KATNAL2: variants seen among roughly 807,000 people sequenced by gnomAD.
KATNAL2 encodes the protein katanin p60 ATPase-containing subunit A-like 2.
A neutral mutation model predicts 76.3 loss-of-function variants in KATNAL2; 52 were observed. The ratio of observed to expected loss-of-function variants is 0.68; its 90% confidence interval spans 0.55 to 0.86. The LOEUF is 0.86. KATNAL2 is among the 40% of genes least tolerant of loss of function. The pLI is 0.00. For missense variants in KATNAL2, 660 were observed against 668.9 expected (o/e 0.99, Z 0.15); for synonymous variants, 243 against 244.2 (o/e 1.00, Z 0.05).
chr18:47,071,953 CTTTTTTTTTT>C (rs574265545), intron 13 of KATNAL2, among the ~76,000 whole-genome samples: 1,220 of 43,476 alleles, frequency 0.028, 1 homozygote, highest in African/African-American at 0.047. Flanking sequence ...CCAATTTCTT[CTTTTTTTTTT>C]TTTTTTTTTT....
intron 3 of KATNAL2, among the ~76,000 whole-genome samples, chr18:46,956,026 A>G (rs1326944638): frequency 6.6e-6 from 1 of 152,224 alleles, no homozygotes; most frequent in Non-Finnish European, 1.5e-5. Context: ...TGAATATTTA[A>G]AAAATTGACT....
chr18:47,032,244 TAAGA>T (rs2060501163), intron 3 of KATNAL2, among the ~76,000 whole-genome samples: 1 of 152,388 alleles, frequency 6.6e-6, no homozygotes, highest in East Asian at 1.9e-4. Flanking sequence ...TCCTTTTTTC[TAAGA>T]AATAGCAGTT....
chr18:46,937,641 C>A (rs1009021054), intron 1 of KATNAL2, among the ~76,000 whole-genome samples: 1 of 152,076 alleles, frequency 6.6e-6, no homozygotes, highest in African/African-American at 2.4e-5. Context: ...GTTCTATGAC[C>A]TGAAAAAGTT....
At chr18:47,079,555 C>T (rs752022479) in intron 15 of KATNAL2, among the ~76,000 whole-genome samples, 3 of 151,974 alleles carry the variant, frequency 2.0e-5, no homozygotes, top group Non-Finnish European at 1.5e-5. Flanking sequence ...CCACCACGCC[C>T]GGCTAATTTT....
At chr18:47,070,469 A>G in intron 13 of KATNAL2, among the ~76,000 whole-genome samples, 1 of 152,130 alleles carries the variant, frequency 6.6e-6, no homozygotes. Flanking sequence ...ATTTTATATT[A>G]TAAAATGGTA....
chr18:47,035,584 C>T lies in KATNAL2; in HGVS notation c.52-10873C>T, dbSNP rs545163285. On this transcript the variant is annotated intron_variant, in intron 3 of 17. Transcript: ENST00000683218. Reference sequence around the variant, plus strand: ...CAGAGCTGGGCCTTATGTAGCCCATCCCAGGCTGACACTCACGGCTCTAGC... The same window carrying T: ...CAGAGCTGGGCCTTATGTAGCCCATTCCAGGCTGACACTCACGGCTCTAGC... The T allele has an allele frequency of 7.3e-6, 4 of 551,122 alleles. No individual in the cohort carries two copies. In the South Asian group the frequency reaches 8.4e-5, roughly 12 times the overall value. The allele number at this position is 551,122 out of a possible 1,614,324, so 34.1% of individuals were successfully genotyped here. A position where few individuals can be genotyped will look rare whatever the true frequency, so the allele number is the denominator to read the frequency against.
intron 15 of KATNAL2, among the ~76,000 whole-genome samples, chr18:47,086,723 T>C (rs571125331): frequency 6.6e-6 from 1 of 152,368 alleles, no homozygotes; most frequent in South Asian, 2.1e-4. Context: ...ATCAAGCCCA[T>C]GATCTTCCAT....
chr18:47,044,932 G>T (rs1393246152), intron 3 of KATNAL2, among the ~76,000 whole-genome samples: 1 of 151,892 alleles, frequency 6.6e-6, no homozygotes, highest in African/African-American at 2.4e-5. Flanking sequence ...AAAAAATATA[G>T]AAATCAGCCA....
In KATNAL2 at chr18:47,047,812, G is replaced by C. The variant is rs146891991; in HGVS notation, c.122+1285G>C. On this transcript the variant is annotated intron_variant, in intron 4 of 17. Transcript: ENST00000683218. ...CAACCTCTAACTCCTGGGCTCAAGG[G>C]ATCCTCTCACCTCAGCCTCCTGAGT... Among the ~76,000 whole-genome samples the C allele has an allele frequency of 2.3e-3, 357 of 152,148 alleles. 5 individuals are homozygous for C. Among genetic ancestry groups the C allele is most frequent in the Admixed American group, 0.02 (299 of 15,288 alleles).
intron 13 of KATNAL2, among the ~76,000 whole-genome samples, chr18:47,073,236 A>C (rs1490493231): frequency 6.6e-6 from 1 of 152,234 alleles, no homozygotes; most frequent in African/African-American, 2.4e-5. Flanking sequence ...TCAGTGATTA[A>C]ACATGCATTT....
chr18:47,084,980 T>C (rs1044867318), intron 15 of KATNAL2, among the ~76,000 whole-genome samples: 6 of 151,326 alleles, frequency 4.0e-5, no homozygotes, highest in Non-Finnish European at 8.8e-5. Flanking sequence ...TGCAGGGCTC[T>C]GTAGGTCACC....
intron 8 of KATNAL2, among the ~76,000 whole-genome samples, chr18:47,061,373 G>A (rs1005694658): frequency 1.3e-5 from 2 of 152,092 alleles, no homozygotes; most frequent in Admixed American, 1.3e-4. Flanking sequence ...AAGAAGGGAG[G>A]GAGATGACCT....
intron 13 of KATNAL2, among the ~76,000 whole-genome samples, chr18:47,073,392 A>G (rs1182698107): frequency 6.6e-6 from 1 of 152,196 alleles, no homozygotes; most frequent in Non-Finnish European, 1.5e-5. Flanking sequence ...GAAACAGATA[A>G]CCTCTGCTAA....
chr18:47,075,688 G>A (rs771574874), intron 14 of KATNAL2, among the ~76,000 whole-genome samples: 14 of 152,302 alleles, frequency 9.2e-5, no homozygotes, highest in South Asian at 2.1e-4. Context: ...GAAAATAGCC[G>A]CTGTGATGGC....
chr18:47,067,636 T>G (rs1438356415), intron 11 of KATNAL2, among the ~76,000 whole-genome samples: 1 of 152,212 alleles, frequency 6.6e-6, no homozygotes, highest in Non-Finnish European at 1.5e-5. Flanking sequence ...CAAATCTCTG[T>G]GCAGTTTACA....
intron 14 of KATNAL2, 81 bp from the exon 15 acceptor site, chr18:47,077,270 G>T: frequency 9.6e-7 from 1 of 1,043,648 alleles, no homozygotes. Flanking sequence ...TACAGTCACA[G>T]GGACATTGCT....
intron 15 of KATNAL2, among the ~76,000 whole-genome samples, chr18:47,084,787 T>G (rs12964465): frequency 0.45 from 64,645 of 145,058 alleles, 14,281 homozygotes; most frequent in Middle Eastern, 0.56. Flanking sequence ...AGGTGGAGGT[T>G]GCAGTGAGTT....
intron 15 of KATNAL2, 74 bp downstream of exon 15, chr18:47,077,535 C>A: frequency 1.0e-6 from 1 of 993,830 alleles, no homozygotes; most frequent in Non-Finnish European, 1.6e-6. Context: ...TTTATATTGA[C>A]CACTTCAGGC....
rs1156704410 is a variant in KATNAL2, at chr18:47,067,099, G to A, written c.805G>A (p.Ala269Thr). The change falls in exon 11 of 18, where the codon GCT (alanine) becomes ACT (threonine). Residue 269 changes from alanine (A) to threonine (T), a missense_variant. Ala to Thr is a moderately conservative substitution (Grantham distance 58). Coordinates refer to ENST00000683218, the MANE Select transcript of KATNAL2 (RefSeq NM_001387690.1). The part of the protein sequence containing the change: ...LDAAKQLVKE[A>T]VVYPIRYPQL... Reference sequence around the variant, plus strand: ...TGCAGCCAAGCAGTTAGTCAAAGAAGCTGTTGTGTATCCTATAAGGGTAAG... The same window carrying A: ...TGCAGCCAAGCAGTTAGTCAAAGAAACTGTTGTGTATCCTATAAGGGTAAG... 5.1e-6 allele frequency: 8 copies of A among 1,577,592 alleles called. No homozygotes were observed. Among genetic ancestry groups the A allele is most frequent in the Non-Finnish European group, 6.9e-6 (8 of 1,154,730 alleles).
Sources: gnomAD v4.1 joint callset for allele counts (sites outside exome capture counted in the v4.1 genomes callset) on GRCh38, gnomAD v4.1.1 for gene constraint, MANE v1.5 for transcripts, NCBI Gene and HGNC (gene_info 2026-07-23, HGNC 2026-07-21) for gene names.